Variants in KIFBP observed in about 807,000 individuals in gnomAD.
KIFBP encodes the protein KIF-binding protein.
KIFBP carries 46 observed loss-of-function variants against 58.9 expected under a neutral mutation model. The observed-to-expected ratio is 0.78, with a 90% CI of 0.62 to 1.00. KIFBP has a LOEUF of 1.00. Ranked by LOEUF, KIFBP falls within the 50% of genes least tolerant of loss-of-function variation. The pLI is 0.00. For synonymous variants in KIFBP, 241 were observed against 283.4 expected (o/e 0.85, Z 1.50); for missense variants, 651 against 752.9 (o/e 0.86, Z 1.58).
Position 69,000,411 on chromosome 10 carries a change from C to T in KIFBP, c.427-13C>T, listed in dbSNP as rs758599334. On this transcript the variant is annotated splice_polypyrimidine_tract_variant and intron_variant, in intron 1 of 6. Coordinates refer to ENST00000361983, the MANE Select transcript of KIFBP (RefSeq NM_015634.4). Reference sequence around the variant, plus strand: ...TATATCATTGTTTGTTTCTCTTTTTCTTTATTTTCCAGAATAACCTGGGTA... The same window carrying T: ...TATATCATTGTTTGTTTCTCTTTTTTTTTATTTTCCAGAATAACCTGGGTA... The T allele has an allele frequency of 2.6e-6, 4 of 1,556,180 alleles. No individual in the cohort carries two copies. The highest frequency in any genetic ancestry group is 3.3e-5 in the Admixed American group (2 of 59,920).
At chr10:69,003,864 A>G (rs1394049010) in intron 2 of KIFBP, among the ~76,000 whole-genome samples, 3 of 152,090 alleles carry the variant, frequency 2.0e-5, no homozygotes, top group African/African-American at 7.2e-5. Context: ...CATTTTTCCT[A>G]TTTGTTTTGC....
At chr10:69,009,139 CAT>C (rs1843566352) in intron 5 of KIFBP, among the ~76,000 whole-genome samples, 1 of 152,090 alleles carries the variant, frequency 6.6e-6, no homozygotes, top group South Asian at 2.1e-4. Context: ...TTTACCCTTT[CAT>C]ACTTTAGTAT....
chr10:69,008,878 C>G lies in KIFBP; in HGVS notation c.827C>G (p.Ala276Gly). Residue 276 changes from alanine (A) to glycine (G), a missense_variant, in exon 5 of 7, where the codon GCT becomes GGT. Coordinates refer to ENST00000361983, the MANE Select transcript of KIFBP (RefSeq NM_015634.4). ...GAGGCCAGGCACTGTTTATCAGCTG[C>G]TAATGTCATTTTTGGTCAAACTGGA... ...FMEARHCLSA[A>G]NVIFGQTGKI... 6.2e-7 allele frequency: 1 copy of G among 1,613,736 alleles called. No homozygotes were observed. The highest frequency in any genetic ancestry group is 1.1e-5 in the South Asian group (1 of 91,082).
At chr10:69,000,391 C>G in intron 1 of KIFBP, 33 bp from the exon 2 acceptor site, 2 of 1,376,694 alleles carry the variant, frequency 1.5e-6, no homozygotes, top group Non-Finnish European at 2.1e-6. Flanking sequence ...AGTCTTATAT[C>G]ATTGTTTGTT....
At chr10:68,989,324 C>G in intron 1 of KIFBP, 66 bp downstream of exon 1, 2 of 1,547,100 alleles carry the variant, frequency 1.3e-6, no homozygotes, top group South Asian at 2.3e-5. Context: ...GGAGCCCCTG[C>G]CAAGGCCAAG....
chr10:69,002,327 T>C (rs763656921), intron 2 of KIFBP, among the ~76,000 whole-genome samples: 4 of 151,868 alleles, frequency 2.6e-5, no homozygotes, highest in Non-Finnish European at 5.9e-5. Context: ...TCCCAGCTAA[T>C]TTTTGTATTT....
intron 6 of KIFBP, among the ~76,000 whole-genome samples, chr10:69,011,870 T>A (rs757180893): frequency 6.6e-6 from 1 of 151,256 alleles, no homozygotes; most frequent in Non-Finnish European, 1.5e-5. Flanking sequence ...TTTGTCTTTT[T>A]AGTGTAGATG....
rs1337631572 is a variant in KIFBP, at chr10:68,989,181, C to T, written c.349C>T (p.His117Tyr). The T allele has an allele frequency of 1.2e-6, 2 of 1,613,640 alleles. No homozygotes were observed. Among genetic ancestry groups the T allele is most frequent in the Admixed American group, 1.7e-5 (1 of 59,986 alleles). ...DTEELSAGEE[H>Y]LVKCLRLLRR... ...GGAGGAGCTGTCGGCGGGGGAGGAGCACCTGGTGAAATGCCTGCGGCTGCT... is the reference window on the plus strand; with the variant it reads ...GGAGGAGCTGTCGGCGGGGGAGGAGTACCTGGTGAAATGCCTGCGGCTGCT... The change falls in exon 1 of 7, where the codon CAC becomes TAC. Residue 117 changes from histidine to tyrosine, a missense_variant. Physicochemically the swap from His to Tyr is moderately conservative, Grantham distance 83. Transcript: ENST00000361983.
At position 68,988,850 on chromosome 10, in the gene KIFBP, G is replaced by C; in HGVS notation, c.18G>C (p.Trp6Cys). 6.2e-7 allele frequency: 1 copy of C among 1,614,264 alleles called. No individual in the cohort carries two copies. The highest frequency in any genetic ancestry group is 8.5e-7 in the Non-Finnish European group (1 of 1,180,044). The change falls in exon 1 of 7, where the codon TGG (tryptophan) becomes TGC (cysteine). Residue 6 changes from tryptophan (W) to cysteine (C), a missense_variant. Transcript: ENST00000361983. MANVP[W>C]AEVCEKFQAA... The stretch of plus-strand genomic sequence containing the variant: ...AGGCCGCTATGGCGAACGTTCCGTG[G>C]GCAGAGGTCTGCGAGAAATTCCAGG...
chr10:69,003,826 TA>T (rs1372502197), intron 2 of KIFBP, among the ~76,000 whole-genome samples: 1 of 152,234 alleles, frequency 6.6e-6, no homozygotes, highest in Non-Finnish European at 1.5e-5. Flanking sequence ...GTGGTCAGTT[TA>T]GAATACTACT....
rs1197071935 is a variant in KIFBP at position 69,005,080 on chromosome 10, T to G, written c.560T>G (p.Phe187Cys). Residue 187 changes from phenylalanine to cysteine, a missense_variant, in exon 3 of 7, where the codon TTT (phenylalanine) becomes TGT (cysteine). Transcript: ENST00000361983. ...GSPPLDPTER[F>C]LPEEEKLTEQ... ...CCTCCTCTTGATCCTACTGAGCGTT[T>G]TCTTCCTGAAGAAGAGAAACTTACT... 6 of 1,613,664 alleles carry G rather than the reference T, an allele frequency of 3.7e-6. No homozygotes were observed. The Admixed American group carries it at 1.0e-4, about 27-fold the overall frequency.
intron 1 of KIFBP, among the ~76,000 whole-genome samples, chr10:68,995,432 A>T (rs1325885904): frequency 1.3e-5 from 2 of 152,084 alleles, no homozygotes; most frequent in African/African-American, 4.8e-5. Flanking sequence ...CAGTCTGTTA[A>T]TAGGGTGGAT....
chr10:69,012,410 A>C (rs1282901991), intron 6 of KIFBP, among the ~76,000 whole-genome samples: 1 of 152,214 alleles, frequency 6.6e-6, no homozygotes, highest in Non-Finnish European at 1.5e-5. Context: ...GGATAATAAA[A>C]TTAATCATTT....
In KIFBP at chr10:68,989,076, G is replaced by C; in HGVS notation, c.244G>C (p.Glu82Gln). 4 of 1,611,630 alleles carry C rather than the reference G, an allele frequency of 2.5e-6. No individual in the cohort carries two copies. Among genetic ancestry groups the C allele is most frequent in the Non-Finnish European group, 3.4e-6 (4 of 1,178,402 alleles). Reference sequence around the variant, plus strand: ...CCTGGGGCTGCCGGCTGAGGTGGTGGAGCCCGAGGGGCCCGTCGCCCAGCG... The same window carrying C: ...CCTGGGGCTGCCGGCTGAGGTGGTGCAGCCCGAGGGGCCCGTCGCCCAGCG... ...HALGLPAEVV[E>Q]PEGPVAQRAV... The change falls in exon 1 of 7, where the codon GAG (glutamate) becomes CAG (glutamine). Residue 82 changes from glutamate (E) to glutamine (Q), a missense_variant. Coordinates refer to ENST00000361983, the MANE Select transcript of KIFBP (RefSeq NM_015634.4).
At chr10:69,000,744 T>A (rs908708389) in intron 2 of KIFBP, among the ~76,000 whole-genome samples, 7 of 152,344 alleles carry the variant, frequency 4.6e-5, no homozygotes, top group African/African-American at 1.7e-4. Flanking sequence ...CCACCTAGTC[T>A]AAATACAATT....
Position 68,988,992 on chromosome 10 carries a change from C to A in KIFBP, c.160C>A (p.Pro54Thr), listed in dbSNP as rs1406956910. Residue 54 changes from proline (P) to threonine (T), a missense_variant, in exon 1 of 7, where the codon CCT (proline) becomes ACT (threonine). Coordinates refer to ENST00000361983, the MANE Select transcript of KIFBP (RefSeq NM_015634.4). ...GGTCAAGGCGCTGCTCGGCCCTGCG[C>A]CTGAGGACGAGGATGAGCGGCCTGA... is the stretch of plus-strand genomic sequence containing the variant. ...EEVKALLGPAPEDEDERPEAE... is the reference protein window; with the variant it reads ...EEVKALLGPATEDEDERPEAE... 1 of 1,614,120 alleles carries A rather than the reference C, an allele frequency of 6.2e-7. No individual in the cohort carries two copies. The highest frequency in any genetic ancestry group is 1.7e-5 in the Admixed American group (1 of 60,016).
chr10:69,006,037 G>A, intron 4 of KIFBP, 122 bp downstream of exon 4: 6 of 940,888 alleles, frequency 6.4e-6, no homozygotes, highest in Non-Finnish European at 9.5e-6. Flanking sequence ...ATGTACAACT[G>A]AAGCCGAAAA....
At position 69,000,044 on chromosome 10, in the gene KIFBP, CA is replaced by C. The variant is rs766080138; in HGVS notation, c.427-359del. ...TGGGCGACAGAGCGAGACTCCGTCT[CA>C]AAAAAAAAAAAAAAAAAAAAGCAGG... On this transcript the variant is annotated intron_variant, in intron 1 of 6. Coordinates refer to ENST00000361983, the MANE Select transcript of KIFBP (RefSeq NM_015634.4). Among the ~76,000 whole-genome samples, 421 of 50,678 alleles carry C rather than the reference CA, an allele frequency of 8.3e-3. 2 individuals are homozygous for C. Among genetic ancestry groups the C allele is most frequent in the African/African-American group, 0.024 (320 of 13,600 alleles). 33.2% of individuals were successfully genotyped at this position (50,678 alleles called of 152,430 possible).
At position 69,016,313 on chromosome 10, in the gene KIFBP, A is replaced by G; in HGVS notation, c.1763A>G (p.Glu588Gly). Residue 588 changes from glutamate to glycine, a missense_variant, in exon 7 of 7, where the codon GAG becomes GGG. Coordinates refer to ENST00000361983, the MANE Select transcript of KIFBP (RefSeq NM_015634.4). ...FIVDYCEKHP[E>G]AAQEIEVELE... ...GTTGATTACTGTGAAAAGCATCCTG[A>G]GGCCGCCCAGGAAATAGAAGTTGAG... The G allele has an allele frequency of 1.2e-6, 2 of 1,608,714 alleles. No homozygotes were observed. Among genetic ancestry groups the G allele is most frequent in the Non-Finnish European group, 8.5e-7 (1 of 1,177,838 alleles).
Sources: gnomAD v4.1 joint callset for allele counts (sites outside exome capture counted in the v4.1 genomes callset) on GRCh38, gnomAD v4.1.1 for gene constraint, MANE v1.5 for transcripts, NCBI Gene and HGNC (gene_info 2026-07-23, HGNC 2026-07-21) for gene names.